SOX5: variants seen among roughly 807,000 people sequenced by gnomAD.
The protein encoded by SOX5 is transcription factor SOX-5.
Under a neutral mutation model 92.0 loss-of-function variants are expected in SOX5, and 9 were observed. That is an observed-to-expected ratio of 0.10 (90% confidence interval 0.06 to 0.17). SOX5 has a LOEUF of 0.17. Among genes scored for constraint, SOX5 ranks in the 10% least tolerant of loss-of-function variants. The probability of loss-of-function intolerance (pLI) is 1.00; values close to 1 mark genes in which losing one functional copy is unlikely to be tolerated. For missense variants in SOX5, 642 were observed against 944.5 expected (o/e 0.68, Z 4.20); for synonymous variants, 344 against 336.3 (o/e 1.02, Z -0.25).
At chr12:23,972,548 A>G (rs1948460606) in intron 4 of SOX5, among the ~76,000 whole-genome samples, 3 of 151,952 alleles carry the variant, frequency 2.0e-5, no homozygotes, top group Non-Finnish European at 4.4e-5. Flanking sequence ...CAGTAGAGAC[A>G]GGGTTTTTTT....
At chr12:24,174,469 A>C (rs1018983552) in intron 4 of SOX5, among the ~76,000 whole-genome samples, 7 of 152,168 alleles carry the variant, frequency 4.6e-5, no homozygotes, top group Non-Finnish European at 1.0e-4. Context: ...AGTGAGACCA[A>C]ACCAATTCTT....
At chr12:24,211,351 T>C (rs376426556) in intron 4 of SOX5, among the ~76,000 whole-genome samples, 1 of 152,370 alleles carries the variant, frequency 6.6e-6, no homozygotes, top group East Asian at 1.9e-4. Flanking sequence ...CTTCACTTTA[T>C]GTTTTCTTCC....
At chr12:23,782,291 G>A (rs989540463) in intron 3 of SOX5, among the ~76,000 whole-genome samples, 8 of 152,052 alleles carry the variant, frequency 5.3e-5, no homozygotes, top group African/African-American at 1.2e-4. Context: ...ATGAGAATAC[G>A]TGTGATCTGT....
At chr12:24,309,829 G>T (rs1027830190) in intron 2 of SOX5, among the ~76,000 whole-genome samples, 2 of 152,148 alleles carry the variant, frequency 1.3e-5, no homozygotes, top group African/African-American at 4.8e-5. Flanking sequence ...TTTACACTAG[G>T]TTTACAAGTA....
At position 24,252,229 on chromosome 12, in the gene SOX5, A is replaced by G. The variant is rs144706703; in HGVS notation, c.-77+24987T>C. Reference sequence around the variant, plus strand: ...CATAGATCCCAACTGTATCAGTTCTATGGAAAATTAGGAACATAATGAAAC... The same window carrying G: ...CATAGATCCCAACTGTATCAGTTCTGTGGAAAATTAGGAACATAATGAAAC... On this transcript the variant is annotated intron_variant, in intron 3 of 4. Transcript: ENST00000446891. Among the ~76,000 whole-genome samples the G allele has an allele frequency of 4.9e-3, 747 of 152,324 alleles. 7 individuals are homozygous for G. Among genetic ancestry groups the G allele is most frequent in the African/African-American group, 0.017 (699 of 41,570 alleles).
chr12:24,539,449 T>C (rs2955479), intron 1 of SOX5, among the ~76,000 whole-genome samples: 34,663 of 152,118 alleles, frequency 0.23, 4,613 homozygotes, highest in African/African-American at 0.36. Context: ...CAAAAGTGTG[T>C]TCCAGAGCTT....
At chr12:23,575,379 C>T (rs1431133530) in intron 10 of SOX5, among the ~76,000 whole-genome samples, 1 of 152,198 alleles carries the variant, frequency 6.6e-6, no homozygotes, top group Non-Finnish European at 1.5e-5. Flanking sequence ...ACCATCATTG[C>T]TCACTGCGAT....
intron 1 of SOX5, among the ~76,000 whole-genome samples, chr12:24,457,601 A>T (rs1943162607): frequency 6.6e-6 from 1 of 152,176 alleles, no homozygotes; most frequent in Admixed American, 6.5e-5. Context: ...TTTTATGAGC[A>T]CCAATTGTTA....
chr12:24,344,810 G>A (rs1565949088), intron 2 of SOX5, among the ~76,000 whole-genome samples: 1 of 152,142 alleles, frequency 6.6e-6, no homozygotes, highest in Non-Finnish European at 1.5e-5. Context: ...AAACTTGGGA[G>A]GATGTTGATT....
chr12:24,334,580 G>A (rs978941280), intron 2 of SOX5, among the ~76,000 whole-genome samples: 2 of 152,120 alleles, frequency 1.3e-5, no homozygotes, highest in East Asian at 1.9e-4. Context: ...ATTTTATACT[G>A]CCAATGGAAA....
chr12:24,383,927 T>C (rs1004042412), intron 1 of SOX5, among the ~76,000 whole-genome samples: 4 of 152,136 alleles, frequency 2.6e-5, no homozygotes, highest in Non-Finnish European at 5.9e-5. Context: ...TGGGAGGTAA[T>C]TGAATCAGAG....
At chr12:24,518,377 C>G (rs1949983524) in intron 1 of SOX5, among the ~76,000 whole-genome samples, 1 of 152,044 alleles carries the variant, frequency 6.6e-6, no homozygotes, top group Admixed American at 6.6e-5. Context: ...AGAGACAAAC[C>G]TCATTTTAAA....
chr12:23,786,807 A>G (rs2141881945), intron 3 of SOX5, among the ~76,000 whole-genome samples: 1 of 146,202 alleles, frequency 6.8e-6, no homozygotes, highest in South Asian at 2.2e-4. Flanking sequence ...GGCAATGACC[A>G]GCATCACTGA....
chr12:23,820,816 G>A (rs1325899508), intron 3 of SOX5, among the ~76,000 whole-genome samples: 3 of 152,088 alleles, frequency 2.0e-5, no homozygotes, highest in Non-Finnish European at 4.4e-5. Flanking sequence ...TGGTGTTTTG[G>A]TTACTACAGC....
In SOX5 at chr12:24,102,621, T is replaced by C. The variant is rs1446428807; in HGVS notation, c.-2+110722A>G. ...ATAAAACACCATCAAGAAAACAAAA[T>C]CTATAGTAAGAACTTTCCAGGGCAC... On this transcript the variant is annotated intron_variant, in intron 4 of 4. Transcript: ENST00000446891. Among the ~76,000 whole-genome samples, 5 of 152,102 alleles carry C rather than the reference T, an allele frequency of 3.3e-5. No homozygotes were observed. The Admixed American group carries it at 3.3e-4, about 10-fold the overall frequency.
chr12:24,405,195 C>A (rs1202747025), intron 1 of SOX5, among the ~76,000 whole-genome samples: 1 of 152,136 alleles, frequency 6.6e-6, no homozygotes, highest in Non-Finnish European at 1.5e-5. Context: ...CTGTTTTCCT[C>A]AAATGTCAAA....
intron 1 of SOX5, among the ~76,000 whole-genome samples, chr12:23,911,493 C>T (rs2097351349): frequency 6.6e-6 from 1 of 152,028 alleles, no homozygotes; most frequent in South Asian, 2.1e-4. Flanking sequence ...TCTGCTCAAA[C>T]TTGTTGTTCG....
intron 7 of SOX5, among the ~76,000 whole-genome samples, chr12:23,641,493 T>TGAAAATG (rs1187389545): frequency 2.6e-5 from 4 of 152,290 alleles, no homozygotes; most frequent in South Asian, 4.1e-4. Context: ...TATATTGTAA[T>TGAAAATG]GAAAATGGAA....
chr12:24,522,340 T>C (rs1950334852), intron 1 of SOX5, among the ~76,000 whole-genome samples: 1 of 151,394 alleles, frequency 6.6e-6, no homozygotes, highest in African/African-American at 2.4e-5. Flanking sequence ...AAAGGACATT[T>C]AAAGAAAAAT....
Sources: allele counts gnomAD v4.1 joint callset (sites outside exome capture counted in the v4.1 genomes callset), GRCh38; gene constraint gnomAD v4.1.1; transcripts MANE v1.5; gene names NCBI Gene and HGNC (gene_info 2026-07-23, HGNC 2026-07-21).